Variants in ZNF385D observed in about 807,000 individuals in gnomAD.
The protein encoded by ZNF385D is zinc finger protein 385D.
A neutral mutation model predicts 35.8 loss-of-function variants in ZNF385D; 15 were observed. The observed-to-expected ratio is 0.42, with a 90% confidence interval of 0.28 to 0.64. The LOEUF is 0.64. Among genes scored for constraint, ZNF385D ranks in the 30% least tolerant of loss-of-function variants. ZNF385D has a pLI of 0.23. For missense variants in ZNF385D, 474 were observed against 494.6 expected (o/e 0.96, Z 0.39); for synonymous variants, 212 against 186.8 (o/e 1.13, Z -1.10).
intron 3 of ZNF385D, among the ~76,000 whole-genome samples, chr3:21,909,708 G>A (rs552395883): frequency 2.0e-5 from 3 of 152,130 alleles, no homozygotes; most frequent in South Asian, 4.1e-4. Flanking sequence ...AAGAATGGAT[G>A]TGGAGTAAGA....
chr3:21,839,104 A>C (rs940263565), intron 3 of ZNF385D, among the ~76,000 whole-genome samples: 1 of 152,104 alleles, frequency 6.6e-6, no homozygotes, highest in Non-Finnish European at 1.5e-5. Flanking sequence ...ACGATTATCA[A>C]ATGGCTATAA....
At chr3:21,951,852 G>C (rs1442136661) in intron 3 of ZNF385D, among the ~76,000 whole-genome samples, 2 of 151,498 alleles carry the variant, frequency 1.3e-5, no homozygotes, top group Admixed American at 6.6e-5. Flanking sequence ...TTAGCCCCTG[G>C]AAAAAGAATA....
At chr3:22,099,296 T>A (rs897530856) in intron 3 of ZNF385D, among the ~76,000 whole-genome samples, 1 of 152,090 alleles carries the variant, frequency 6.6e-6, no homozygotes, top group African/African-American at 2.4e-5. Flanking sequence ...CTGTGAAAGT[T>A]GAGTAGATAA....
At chr3:21,852,425 G>A (rs1284523928) in intron 3 of ZNF385D, among the ~76,000 whole-genome samples, 1 of 151,870 alleles carries the variant, frequency 6.6e-6, no homozygotes, top group African/African-American at 2.4e-5. Flanking sequence ...GTAATAGACA[G>A]CATTCATTTA....
chr3:22,205,660 T>C (rs778196244), intron 2 of ZNF385D, among the ~76,000 whole-genome samples: 2 of 152,066 alleles, frequency 1.3e-5, no homozygotes, highest in Non-Finnish European at 2.9e-5. Flanking sequence ...TGTTTGTTTA[T>C]GCAACAGTGT....
chr3:22,372,003 G>T (rs1223813319), intron 2 of ZNF385D, among the ~76,000 whole-genome samples: 2 of 152,082 alleles, frequency 1.3e-5, no homozygotes, highest in Non-Finnish European at 2.9e-5. Flanking sequence ...CAACAACTTC[G>T]CCAGGTTTCC....
intron 3 of ZNF385D, among the ~76,000 whole-genome samples, chr3:21,757,906 C>A (rs1197357195): frequency 6.6e-6 from 1 of 152,120 alleles, no homozygotes; most frequent in East Asian, 1.9e-4. Flanking sequence ...AGGAGACATG[C>A]CATAAATATA....
At chr3:21,866,152 G>GTATT (rs201025777) in intron 3 of ZNF385D, among the ~76,000 whole-genome samples, 2,408 of 151,626 alleles carry the variant, frequency 0.016, 52 homozygotes, top group African/African-American at 0.054. Flanking sequence ...TATAAATCTG[G>GTATT]TATTAAAAAA....
At chr3:21,713,013 G>A (rs1369161557) in intron 1 of ZNF385D, among the ~76,000 whole-genome samples, 1 of 152,152 alleles carries the variant, frequency 6.6e-6, no homozygotes, top group African/African-American at 2.4e-5. Context: ...TCACTCTTCG[G>A]TGTAAAAATA....
Position 21,541,472 on chromosome 3 carries a change from G to A in ZNF385D, c.276+23102C>T, listed in dbSNP as rs139136758. Among the ~76,000 whole-genome samples the A allele has an allele frequency of 5.7e-3, 868 of 152,268 alleles. 8 individuals are homozygous for A. Among genetic ancestry groups the A allele is most frequent in the Non-Finnish European group, 7.1e-3 (482 of 68,012 alleles). ...CATCACAATTACTCTAGTTAATACA[G>A]AGGATAGGGCTCAGTAAAAATTAGA... On this transcript the variant is annotated intron_variant, in intron 3 of 7. Transcript: ENST00000281523.
intron 2 of ZNF385D, among the ~76,000 whole-genome samples, chr3:22,321,767 T>C (rs1196112293): frequency 6.6e-6 from 1 of 152,178 alleles, no homozygotes; most frequent in African/African-American, 2.4e-5. Context: ...CTTTTTCTTA[T>C]GATTGCTGGT....
At position 22,158,859 on chromosome 3, in the gene ZNF385D, A is replaced by T. The variant is rs527534349; in HGVS notation, c.325+9958T>A. Among the ~76,000 whole-genome samples, 5 of 152,194 alleles carry T rather than the reference A, an allele frequency of 3.3e-5. No homozygotes were observed. The East Asian group carries it at 9.7e-4, about 29-fold the overall frequency. ...TAAGGGCGTAAATCAGGAAAGAAAAATTCATGCATACAAGAATCTCACCTT... is the reference window on the plus strand; with the variant it reads ...TAAGGGCGTAAATCAGGAAAGAAAATTTCATGCATACAAGAATCTCACCTT... On this transcript the variant is annotated intron_variant, in intron 3 of 5. Coordinates refer to the ZNF385D transcript ENST00000494108.
chr3:22,060,810 C>A (rs1699650453), intron 3 of ZNF385D, among the ~76,000 whole-genome samples: 1 of 151,974 alleles, frequency 6.6e-6, no homozygotes, highest in African/African-American at 2.4e-5. Flanking sequence ...TGAATATAAA[C>A]AGTGAATTTT....
intron 3 of ZNF385D, among the ~76,000 whole-genome samples, chr3:22,121,561 C>A (rs1179390402): frequency 6.6e-6 from 1 of 152,054 alleles, no homozygotes; most frequent in African/African-American, 2.4e-5. Flanking sequence ...CTAGCGTGCA[C>A]AATGCACAAA....
chr3:22,277,369 G>A (rs954317471), intron 2 of ZNF385D, among the ~76,000 whole-genome samples: 7 of 152,030 alleles, frequency 4.6e-5, no homozygotes, highest in Non-Finnish European at 1.0e-4. Flanking sequence ...ATGCTTTTAT[G>A]GGATACAAGG....
At chr3:22,306,634 G>C (rs906131989) in intron 2 of ZNF385D, among the ~76,000 whole-genome samples, 7 of 152,096 alleles carry the variant, frequency 4.6e-5, no homozygotes, top group Non-Finnish European at 7.4e-5. Context: ...GGGAGGATTT[G>C]AATGAGAGGG....
At chr3:22,109,354 T>G (rs1380554833) in intron 3 of ZNF385D, among the ~76,000 whole-genome samples, 2 of 152,188 alleles carry the variant, frequency 1.3e-5, no homozygotes, top group Non-Finnish European at 2.9e-5. Context: ...TGTCACCTTG[T>G]ACATGGACAT....
chr3:22,361,717 C>A (rs945658103), intron 2 of ZNF385D, among the ~76,000 whole-genome samples: 2 of 151,918 alleles, frequency 1.3e-5, no homozygotes, highest in African/African-American at 4.8e-5. Context: ...TTCAGGGCAG[C>A]AGAGAGACCA....
chr3:22,140,856 G>C (rs1031815178), intron 3 of ZNF385D, among the ~76,000 whole-genome samples: 3 of 152,138 alleles, frequency 2.0e-5, no homozygotes, highest in Non-Finnish European at 2.9e-5. Context: ...GAGTTAATTA[G>C]TTCCATTATT....
Sources: gnomAD v4.1 joint callset for allele counts (sites outside exome capture counted in the v4.1 genomes callset) on GRCh38, gnomAD v4.1.1 for gene constraint, MANE v1.5 for transcripts, NCBI Gene and HGNC (gene_info 2026-07-23, HGNC 2026-07-21) for gene names.